Variants in HCN2 observed in about 807,000 individuals in gnomAD.
The protein encoded by HCN2 is potassium/sodium hyperpolarization-activated cyclic nucleotide-gated channel 2.
Under a neutral mutation model 52.3 loss-of-function variants are expected in HCN2, and 20 were observed. The observed-to-expected ratio is 0.38, with a 90% CI of 0.27 to 0.56. The LOEUF is 0.56. Ranked by LOEUF, HCN2 falls within the 20% of genes least tolerant of loss-of-function variation. The pLI, the probability that HCN2 is intolerant of heterozygous loss-of-function variation, is 0.71. For missense variants in HCN2, 981 were observed against 1,207.7 expected (o/e 0.81, Z 2.78); for synonymous variants, 694 against 537.0 (o/e 1.29, Z -4.04).
intron 5 of HCN2, among the ~76,000 whole-genome samples, chr19:611,588 G>GT (rs1295862410): frequency 6.6e-6 from 1 of 152,218 alleles, no homozygotes; most frequent in Non-Finnish European, 1.5e-5. Context: ...CGCCAAGAAT[G>GT]TTTAATTGCA....
Position 603,854 on chromosome 19 carries a change from G to C in HCN2, c.943G>C (p.Glu315Gln). 1 of 1,612,622 alleles carries C rather than the reference G, an allele frequency of 6.2e-7. No homozygotes were observed. The highest frequency in any genetic ancestry group is 8.5e-7 in the Non-Finnish European group (1 of 1,179,858). ...FLIVEKGIDS[E>Q]VYKTARALRI... ...TATCGTGGAGAAGGGCATTGACTCC[G>C]AGGTCTACAAGACGGCACGCGCCCT... The change falls in exon 2 of 8, where the codon GAG (glutamate) becomes CAG (glutamine). Residue 315 changes from glutamate to glutamine, a missense_variant. Glu to Gln is a conservative substitution (Grantham distance 29). Transcript: ENST00000251287.
At position 613,220 on chromosome 19, in the gene HCN2, C is replaced by T. The variant is rs773575846; in HGVS notation, c.1585-28C>T. 5.7e-6 allele frequency: 9 copies of T among 1,590,886 alleles called. No homozygotes were observed. In the Admixed American group the frequency reaches 1.1e-4, roughly 19 times the overall value. ...GGGGAAGCGGGAGTGGGGTCCGCAG[C>T]GGACCCAGCCCTGCCTCCCCCCTGC... is the stretch of plus-strand genomic sequence containing the variant. On this transcript the variant is annotated intron_variant, in intron 5 of 7. Transcript: ENST00000251287.
Position 590,324 on chromosome 19 carries a change from TGCCGCGGGGCG to T in HCN2, c.383_393del (p.Arg128LeufsTer108). On this transcript the variant is annotated frameshift_variant, in exon 1 of 8. Coordinates refer to ENST00000251287, the MANE Select transcript of HCN2 (RefSeq NM_001194.4). LOFTEE classifies it high-confidence loss of function. The surrounding 1 kb of genome is among the most constrained non-coding windows in gnomAD (Gnocchi z 7.2). ...GCGGGGGCCCAAGGTGTCGTTCTCG[TGCCGCGGGGCG>T]GCCTCGGGGCCCGCGCCGGGGCCGG... 9.8e-7 allele frequency: 1 copy of T among 1,021,790 alleles called. No homozygotes were observed. Among genetic ancestry groups the T allele is most frequent in the Non-Finnish European group, 1.2e-6 (1 of 856,886 alleles). 63.3% of individuals were successfully genotyped at this position (1,021,790 alleles called of 1,614,324 possible). A position where few individuals can be genotyped will look rare whatever the true frequency, so the allele number is the denominator to read the frequency against.
intron 7 of HCN2, among the ~76,000 whole-genome samples, chr19:614,377 G>C (rs1211412858): frequency 6.6e-6 from 1 of 152,176 alleles, no homozygotes; most frequent in African/African-American, 2.4e-5. Context: ...GGGTGCAGGG[G>C]ACAGACCCGG....
intron 7 of HCN2, among the ~76,000 whole-genome samples, chr19:614,942 G>A (rs1300795603): frequency 6.6e-6 from 1 of 152,126 alleles, no homozygotes; most frequent in African/African-American, 2.4e-5. Context: ...GGACAGGTGC[G>A]ACGGAGTGGT....
intron 1 of HCN2, among the ~76,000 whole-genome samples, chr19:599,393 T>G (rs1983129729): frequency 6.6e-6 from 1 of 152,120 alleles, no homozygotes; most frequent in African/African-American, 2.4e-5. Context: ...GTGTTAACTT[T>G]GGGGAGTCCC....
intron 7 of HCN2, 44 bp downstream of exon 7, chr19:614,060 G>A: frequency 6.9e-7 from 1 of 1,441,812 alleles, no homozygotes; most frequent in Non-Finnish European, 9.2e-7. Flanking sequence ...CCCTGGCGGG[G>A]GAGGGGCGTG....
intron 1 of HCN2, among the ~76,000 whole-genome samples, chr19:602,466 G>A (rs768889181): frequency 3.3e-5 from 5 of 152,056 alleles, no homozygotes; most frequent in South Asian, 2.1e-4. Flanking sequence ...AAATGCAGCC[G>A]GTGCTGCCCT....
chr19:614,220 C>T (rs1271548741), intron 7 of HCN2, among the ~76,000 whole-genome samples: 1 of 152,192 alleles, frequency 6.6e-6, no homozygotes, highest in African/African-American at 2.4e-5. Context: ...CAGCGGCTGG[C>T]CGCTCCTAGG....
intron 1 of HCN2, among the ~76,000 whole-genome samples, chr19:595,054 T>G (rs1410692097): frequency 6.6e-6 from 1 of 151,830 alleles, no homozygotes; most frequent in African/African-American, 2.4e-5. Flanking sequence ...GTTAAAAAAT[T>G]AGCCAGGCGT....
intron 1 of HCN2, among the ~76,000 whole-genome samples, chr19:597,281 G>A (rs540410380): frequency 6.6e-6 from 1 of 152,360 alleles, no homozygotes; most frequent in East Asian, 1.9e-4. Context: ...AGTGTGGGCC[G>A]TGGATAAGAG....
chr19:610,951 C>T (rs889176925), intron 5 of HCN2, among the ~76,000 whole-genome samples: 10 of 152,210 alleles, frequency 6.6e-5, no homozygotes, highest in African/African-American at 2.4e-4. Context: ...CTTCCTGCCT[C>T]TTCCGGCGTC....
At chr19:599,358 T>C (rs1014086439) in intron 1 of HCN2, among the ~76,000 whole-genome samples, 3 of 152,184 alleles carry the variant, frequency 2.0e-5, no homozygotes, top group Non-Finnish European at 4.4e-5. Flanking sequence ...ACGCCAGCGA[T>C]GAGCTCCCAG....
rs1006809875 is a variant in HCN2 at position 616,131 on chromosome 19, C to A, written c.2327C>A (p.Pro776His). 2.1e-6 allele frequency: 2 copies of A among 942,706 alleles called. No individual in the cohort carries two copies. The highest frequency in any genetic ancestry group is 1.8e-5 in the African/African-American group (1 of 55,626). The allele number at this position is 942,706 out of a possible 1,614,324, so 58.4% of individuals were successfully genotyped here. Residue 776 changes from proline to histidine, a missense_variant, in exon 8 of 8, where the codon CCC becomes CAC. Physicochemically the swap from Pro to His is moderately conservative, Grantham distance 77 (BLOSUM62 -2). Transcript: ENST00000251287. The stretch of plus-strand genomic sequence containing the variant: ...GCCGCCGCCTCACCCGGGCCCCCGC[C>A]CCCCGCCAGCCCCCCGGGCGCGCCC... ...APAAASPGPP[P>H]PASPPGAPAS...
intron 3 of HCN2, among the ~76,000 whole-genome samples, chr19:607,241 T>G (rs1983455348): frequency 6.6e-6 from 1 of 152,232 alleles, no homozygotes; most frequent in African/African-American, 2.4e-5. Flanking sequence ...GTGCTGACTG[T>G]TAAGAAGGGT....
chr19:602,145 GCGTGGACGCCCCACTTCCTCCTCT>G, intron 1 of HCN2, among the ~76,000 whole-genome samples: 1 of 137,748 alleles, frequency 7.3e-6, no homozygotes, highest in Admixed American at 7.2e-5. Flanking sequence ...CTCTCCTCCT[GCGTGGACGCCCCACTTCCTCCTCT>G]CCTGCGTGGA....
Position 616,254 on chromosome 19 carries a change from C to A in HCN2, c.2450C>A (p.Ser817Ter). The A allele has an allele frequency of 9.8e-7, 1 of 1,018,648 alleles. No individual in the cohort carries two copies. The highest frequency in any genetic ancestry group is 4.2e-5 in the South Asian group (1 of 24,024). 63.1% of individuals were successfully genotyped at this position (1,018,648 alleles called of 1,614,324 possible). A position where few individuals can be genotyped will look rare whatever the true frequency, so the allele number is the denominator to read the frequency against. Residue 817 changes from serine to a stop codon, truncating the protein, a stop_gained, in exon 8 of 8, where the codon TCG becomes TAG. Coordinates refer to ENST00000251287, the MANE Select transcript of HCN2 (RefSeq NM_001194.4). LOFTEE classifies it low-confidence loss of function (END_TRUNC). ...ALPARRLSRA[S>*]RPLSASQPSL... is the part of the protein sequence containing the mutation. The stretch of plus-strand genomic sequence containing the variant: ...CCCGCGCGCCGCCTGAGCCGCGCGT[C>A]GCGCCCACTGTCCGCCTCGCAGCCC...
In HCN2 at chr19:602,691, A is replaced by AT. The variant is rs538054544; in HGVS notation, c.633-846dup. ...GCTCCTCTGCTGTCCTGTCCTGTCT[A>AT]TTTTTTTAACGCCAACCTTGTGCCA... On this transcript the variant is annotated intron_variant, in intron 1 of 7. Coordinates refer to ENST00000251287, the MANE Select transcript of HCN2 (RefSeq NM_001194.4). 2.2e-4 allele frequency among the ~76,000 whole-genome samples: 33 copies of AT among 151,996 alleles called. No individual in the cohort carries two copies. The East Asian group carries it at 4.3e-3, about 20-fold the overall frequency.
intron 2 of HCN2, 117 bp downstream of exon 2, chr19:604,084 AG>A (rs1197777958): frequency 1.7e-5 from 6 of 358,726 alleles, no homozygotes; most frequent in Non-Finnish European, 2.8e-5. Flanking sequence ...CCAAGGCAGC[AG>A]GGGTGGGGCT....
Sources: gnomAD v4.1 joint callset for allele counts (sites outside exome capture counted in the v4.1 genomes callset) on GRCh38, gnomAD v4.1.1 for gene constraint, Gnocchi (gnomAD v3.1) non-coding constraint, MANE v1.5 for transcripts, NCBI Gene and HGNC (gene_info 2026-07-23, HGNC 2026-07-21) for gene names.